NRG3: variants seen among roughly 807,000 people sequenced by gnomAD.
The protein encoded by NRG3 is pro-neuregulin-3, membrane-bound isoform.
Under a neutral mutation model 66.9 loss-of-function variants are expected in NRG3, and 31 were observed. The observed-to-expected ratio is 0.46, with a 90% CI of 0.35 to 0.63. NRG3 has a LOEUF of 0.63. Ranked by LOEUF, NRG3 falls within the 20% of genes least tolerant of loss-of-function variation. The pLI, the probability that NRG3 is intolerant of heterozygous loss-of-function variation, is 0.00. For synonymous variants in NRG3, 393 were observed against 359.4 expected (o/e 1.09, Z -1.06); for missense variants, 910 against 878.9 (o/e 1.04, Z -0.45).
At chr10:82,239,034 G>A (rs961010435) in intron 1 of NRG3, among the ~76,000 whole-genome samples, 1 of 147,042 alleles carries the variant, frequency 6.8e-6, no homozygotes, top group African/African-American at 2.5e-5. Flanking sequence ...TTACATCTTA[G>A]ATTTAGATTT....
chr10:82,011,540 A>G (rs982412660), intron 1 of NRG3, among the ~76,000 whole-genome samples: 1 of 152,176 alleles, frequency 6.6e-6, no homozygotes, highest in African/African-American at 2.4e-5. Context: ...CCAAAAGTCC[A>G]ACAGTCCAAA....
At chr10:82,140,171 C>T (rs1590261609) in intron 1 of NRG3, among the ~76,000 whole-genome samples, 1 of 152,070 alleles carries the variant, frequency 6.6e-6, no homozygotes, top group Non-Finnish European at 1.5e-5. Flanking sequence ...TCTATTTTTT[C>T]TATGAAAATT....
At chr10:81,909,671 G>T (rs527288424) in intron 1 of NRG3, among the ~76,000 whole-genome samples, 1 of 152,270 alleles carries the variant, frequency 6.6e-6, no homozygotes, top group East Asian at 1.9e-4. Context: ...GAGAAGTAAG[G>T]GGAGGCAGAA....
At chr10:82,551,606 G>T (rs1590634139) in intron 2 of NRG3, among the ~76,000 whole-genome samples, 2 of 146,756 alleles carry the variant, frequency 1.4e-5, no homozygotes, top group African/African-American at 2.5e-5. Flanking sequence ...TTAAAATACT[G>T]TTTTTTTTTT....
chr10:82,343,818 T>A (rs943776131), intron 1 of NRG3, among the ~76,000 whole-genome samples: 16 of 151,956 alleles, frequency 1.1e-4, no homozygotes, highest in Non-Finnish European at 2.1e-4. Context: ...GGTTCCCAAA[T>A]CTCCTCAGTG....
chr10:82,970,703 G>A (rs1259321065), intron 6 of NRG3, among the ~76,000 whole-genome samples: 4 of 152,050 alleles, frequency 2.6e-5, no homozygotes, highest in African/African-American at 9.7e-5. Flanking sequence ...TGTTACTTAA[G>A]ACATTTAAAT....
intron 1 of NRG3, among the ~76,000 whole-genome samples, chr10:82,227,950 A>C (rs1284114034): frequency 6.6e-6 from 1 of 152,126 alleles, no homozygotes; most frequent in Non-Finnish European, 1.5e-5. Context: ...TCTGACCCTC[A>C]ACTCCAAAGT....
intron 4 of NRG3, among the ~76,000 whole-genome samples, chr10:82,870,722 C>A (rs1411233556): frequency 6.6e-6 from 1 of 152,166 alleles, no homozygotes; most frequent in East Asian, 1.9e-4. Context: ...TTGCCATCTG[C>A]ATATTTTCTT....
chr10:82,583,800 G>A (rs2046505948), intron 2 of NRG3, among the ~76,000 whole-genome samples: 1 of 151,986 alleles, frequency 6.6e-6, no homozygotes, highest in South Asian at 2.1e-4. Context: ...TTTTCATTTT[G>A]TACTGAGCCT....
At chr10:81,984,737 A>G (rs1406032246) in intron 1 of NRG3, among the ~76,000 whole-genome samples, 3 of 152,206 alleles carry the variant, frequency 2.0e-5, no homozygotes, top group South Asian at 2.1e-4. Context: ...ATCCTTTTAT[A>G]TCTATCGAGA....
intron 1 of NRG3, among the ~76,000 whole-genome samples, chr10:81,907,600 TA>T (rs1469870900): frequency 6.6e-6 from 1 of 152,184 alleles, no homozygotes; most frequent in Non-Finnish European, 1.5e-5. Context: ...AAACTATCCC[TA>T]AAGGAGCTGA....
intron 1 of NRG3, chr10:82,230,167 A>C (rs1006352684): frequency 3.9e-5 from 6 of 152,196 alleles, no homozygotes; most frequent in African/African-American, 1.4e-4. Flanking sequence ...CATTATGAAA[A>C]AAATTATGCA....
chr10:82,633,846 A>G (rs2133751246), intron 2 of NRG3, among the ~76,000 whole-genome samples: 1 of 152,268 alleles, frequency 6.6e-6, no homozygotes, highest in Non-Finnish European at 1.5e-5. Flanking sequence ...TTTGACCATC[A>G]ATTTTTTTGT....
At position 81,994,551 on chromosome 10, in the gene NRG3, C is replaced by T. The variant is rs560927024; in HGVS notation, c.823+118388C>T. ...TATGCCTTTAACTGCTTTTTTTTTT[C>T]CTTGCATAAAGGATAGATAGCATGT... On this transcript the variant is annotated intron_variant, in intron 1 of 8. Coordinates refer to ENST00000372141, the MANE Select transcript of NRG3 (RefSeq NM_001010848.4). Among the ~76,000 whole-genome samples the T allele has an allele frequency of 4.7e-3, 695 of 149,126 alleles. 3 individuals carry two copies. Among genetic ancestry groups the T allele is most frequent in the African/African-American group, 0.015 (617 of 40,712 alleles).
intron 1 of NRG3, among the ~76,000 whole-genome samples, chr10:82,157,450 T>C (rs774078669): frequency 2.0e-5 from 3 of 151,812 alleles, no homozygotes; most frequent in Admixed American, 6.6e-5. Flanking sequence ...ATTTTTCTTA[T>C]AAGTATCTCC....
chr10:82,517,835 G>A (rs189088706), intron 2 of NRG3, among the ~76,000 whole-genome samples: 40 of 152,138 alleles, frequency 2.6e-4, no homozygotes, highest in Admixed American at 2.2e-3. Flanking sequence ...TTCACCAAAT[G>A]TACAAATTTA....
chr10:82,502,311 A>G (rs1430056806), intron 2 of NRG3, among the ~76,000 whole-genome samples: 1 of 152,134 alleles, frequency 6.6e-6, no homozygotes, highest in Non-Finnish European at 1.5e-5. Context: ...GGTCAGCAGT[A>G]TCCTTCCCTT....
chr10:82,310,615 G>T (rs1175503697), intron 1 of NRG3, among the ~76,000 whole-genome samples: 1 of 152,070 alleles, frequency 6.6e-6, no homozygotes, highest in Admixed American at 6.6e-5. Context: ...GGGCCGTAAG[G>T]GTAGCTGGGT....
intron 2 of NRG3, among the ~76,000 whole-genome samples, chr10:82,468,010 C>A (rs942511063): frequency 3.9e-5 from 6 of 152,102 alleles, no homozygotes; most frequent in Admixed American, 2.0e-4. Context: ...TTGCCCAGCA[C>A]CTGCTATATA....
Sources: gnomAD v4.1 joint callset for allele counts (sites outside exome capture counted in the v4.1 genomes callset) on GRCh38, gnomAD v4.1.1 for gene constraint, MANE v1.5 for transcripts, NCBI Gene and HGNC (gene_info 2026-07-23, HGNC 2026-07-21) for gene names.